The following SAXO1 variants were observed in gnomAD, a reference collection of about 807,000 sequenced individuals.
SAXO1 encodes stabilizer of axonemal microtubules 1.
A neutral mutation model predicts 17.5 loss-of-function variants in SAXO1; 21 were observed. The ratio of observed to expected loss-of-function variants is 1.20; its 90% CI spans 0.85 to 1.72. The LOEUF (loss-of-function observed/expected upper bound fraction) is 1.72, where lower values mean the gene tolerates loss of function less well. Ranked by LOEUF, SAXO1 falls within the 40% of genes most tolerant of loss-of-function variation. The probability of loss-of-function intolerance (pLI) is 0.00; values close to 1 mark genes in which losing one functional copy is unlikely to be tolerated. For synonymous variants in SAXO1, 274 were observed against 216.5 expected (o/e 1.27, Z -2.33); for missense variants, 843 against 596.0 (o/e 1.41, Z -4.32).
At chr9:18,962,322 C>T (rs557236822) in intron 1 of SAXO1, among the ~76,000 whole-genome samples, 154 of 152,356 alleles carry the variant, frequency 1.0e-3, no homozygotes, top group African/African-American at 3.4e-3. Flanking sequence ...CCCGCCTTGG[C>T]CTCCCAAAGT....
chr9:18,960,935 G>A (rs779171273), intron 1 of SAXO1, among the ~76,000 whole-genome samples: 3 of 152,096 alleles, frequency 2.0e-5, no homozygotes. Context: ...GGGTGAAGGG[G>A]CATGCAGAAA....
chr9:18,971,554 G>C (rs142183531), intron 1 of SAXO1, among the ~76,000 whole-genome samples: 1 of 152,182 alleles, frequency 6.6e-6, no homozygotes, highest in East Asian at 1.9e-4. Flanking sequence ...TTTTCAACAA[G>C]CATGTGATTC....
intron 1 of SAXO1, among the ~76,000 whole-genome samples, chr9:18,993,046 C>G (rs747324181): frequency 6.6e-6 from 1 of 152,102 alleles, no homozygotes; most frequent in East Asian, 1.9e-4. Context: ...GTGATCTGCC[C>G]ACCTAGGCCT....
chr9:18,972,879 A>G lies in SAXO1; in HGVS notation c.39-21942T>C, dbSNP rs202198737. ...AAGGCCATGGCCATTTCCAACCCAG[A>G]GTACACATGGGGAGGCAAAGTCCAT... On this transcript the variant is annotated intron_variant, in intron 1 of 3. Coordinates refer to ENST00000380534, the MANE Select transcript of SAXO1 (RefSeq NM_153707.4). Among the ~76,000 whole-genome samples, 574 of 152,352 alleles carry G rather than the reference A, an allele frequency of 3.8e-3. 2 individuals carry two copies. The highest frequency in any genetic ancestry group is 0.013 in the African/African-American group (536 of 41,572).
At chr9:18,929,111 A>C (rs1362287727) in intron 3 of SAXO1, 56 bp from the exon 4 acceptor site, 1 of 1,575,852 alleles carries the variant, frequency 6.3e-7, no homozygotes, top group Non-Finnish European at 8.6e-7. Flanking sequence ...CAACTTGCAT[A>C]TATTCTACAG....
intron 1 of SAXO1, among the ~76,000 whole-genome samples, chr9:18,959,907 A>G (rs1322504862): frequency 6.6e-6 from 1 of 152,186 alleles, no homozygotes; most frequent in African/African-American, 2.4e-5. Flanking sequence ...CAGCTGGCCC[A>G]GTGCTGGGAC....
intron 3 of SAXO1, among the ~76,000 whole-genome samples, chr9:18,937,806 C>T (rs953515143): frequency 3.9e-5 from 6 of 152,116 alleles, no homozygotes; most frequent in African/African-American, 9.7e-5. Flanking sequence ...TTGAACTTCC[C>T]AGCCTTCAGA....
intron 1 of SAXO1, among the ~76,000 whole-genome samples, chr9:18,989,266 A>T (rs1006881432): frequency 6.6e-6 from 1 of 152,188 alleles, no homozygotes; most frequent in Admixed American, 6.5e-5. Flanking sequence ...TATTGCTTTT[A>T]AGTGAAACTG....
chr9:18,933,775 G>A (rs1042693352), intron 3 of SAXO1, among the ~76,000 whole-genome samples: 14 of 152,268 alleles, frequency 9.2e-5, no homozygotes, highest in East Asian at 3.9e-4. Context: ...GGCCGGGCAC[G>A]GTGGCTCACG....
In SAXO1 at chr9:18,941,762, A is replaced by T. The variant is rs1163469532; in HGVS notation, c.296T>A (p.Met99Lys). The T allele has an allele frequency of 6.2e-7, 1 of 1,614,146 alleles. No homozygotes were observed. The highest frequency in any genetic ancestry group is 1.7e-5 in the Admixed American group (1 of 60,022). Residue 99 changes from methionine (M) to lysine (K), a missense_variant, in exon 3 of 4, where the codon ATG becomes AAG. Transcript: ENST00000380534. ...TTTCTTATACGTCGTGAGCAAATCC[A>T]TATTCTCTTCACTCGGGACGAACTG... ...YDQFVPSEEN[M>K]DLLTTYKKDY...
intron 3 of SAXO1, among the ~76,000 whole-genome samples, chr9:18,935,004 G>A (rs886847112): frequency 3.3e-5 from 5 of 152,122 alleles, no homozygotes; most frequent in African/African-American, 1.2e-4. Flanking sequence ...TCAGCTCACT[G>A]CAACCTCCGC....
At chr9:18,948,232 A>G (rs1404766486) in intron 2 of SAXO1, among the ~76,000 whole-genome samples, 4 of 152,194 alleles carry the variant, frequency 2.6e-5, no homozygotes, top group Non-Finnish European at 5.9e-5. Context: ...GTCTATGAAC[A>G]GTAGTGCCTA....
chr9:19,044,104 A>G (rs1588579301), intron 1 of SAXO1, among the ~76,000 whole-genome samples: 4 of 151,472 alleles, frequency 2.6e-5, no homozygotes. Context: ...ATGCCACTGC[A>G]CTCCAGCCTG....
chr9:19,025,585 A>G (rs1251669496), intron 1 of SAXO1, among the ~76,000 whole-genome samples: 1 of 152,156 alleles, frequency 6.6e-6, no homozygotes, highest in East Asian at 1.9e-4. Flanking sequence ...CCTTTTCAGC[A>G]ATTTTTGAGT....
At chr9:18,929,924 T>C (rs1210250544) in intron 3 of SAXO1, among the ~76,000 whole-genome samples, 2 of 152,234 alleles carry the variant, frequency 1.3e-5, no homozygotes, top group Non-Finnish European at 2.9e-5. Flanking sequence ...TGCTCAAGTC[T>C]TTCCATACAT....
intron 1 of SAXO1, among the ~76,000 whole-genome samples, chr9:19,025,795 T>C (rs990154074): frequency 3.3e-5 from 5 of 152,208 alleles, no homozygotes; most frequent in African/African-American, 4.8e-5. Context: ...TACAAGAATT[T>C]TAGAAAAAGT....
Position 18,994,763 on chromosome 9 carries a change from A to G in SAXO1, c.38+38108T>C, listed in dbSNP as rs554807113. ...TAAGATCCCTTCCCCTCTGAATTCTAGATTGTAAAAGACTGAAAGCTATTA... is the reference window on the plus strand; with the variant it reads ...TAAGATCCCTTCCCCTCTGAATTCTGGATTGTAAAAGACTGAAAGCTATTA... On this transcript the variant is annotated intron_variant, in intron 1 of 3. Coordinates refer to ENST00000380534, the MANE Select transcript of SAXO1 (RefSeq NM_153707.4). Among the ~76,000 whole-genome samples, 7 of 152,298 alleles carry G rather than the reference A, an allele frequency of 4.6e-5. No individual in the cohort carries two copies. In the East Asian group the frequency reaches 1.2e-3, roughly 25 times the overall value.
At chr9:18,960,395 T>A (rs7041472) in intron 1 of SAXO1, among the ~76,000 whole-genome samples, 17 of 151,992 alleles carry the variant, frequency 1.1e-4, no homozygotes, top group African/African-American at 4.1e-4. Context: ...CGGGGAACAC[T>A]CTGCCTGGAA....
At chr9:19,031,327 C>T (rs538358577) in intron 1 of SAXO1, among the ~76,000 whole-genome samples, 89 of 152,064 alleles carry the variant, frequency 5.9e-4, no homozygotes, top group African/African-American at 2.1e-3. Context: ...TTTGGGAGGC[C>T]GAGGCAGGCG....
Sources: gnomAD v4.1 joint callset for allele counts (sites outside exome capture counted in the v4.1 genomes callset) on GRCh38, gnomAD v4.1.1 for gene constraint, MANE v1.5 for transcripts, NCBI Gene and HGNC (gene_info 2026-07-23, HGNC 2026-07-21) for gene names.